The following ANKS1B variants were observed in gnomAD, a reference collection of about 807,000 sequenced individuals.
The protein encoded by ANKS1B is ankyrin repeat and sterile alpha motif domain containing 1B, also known as ankyrin repeat and sterile alpha motif domain-containing protein 1B.
In ANKS1B, 36 loss-of-function variants were observed where a neutral mutation model predicts 148.3. The ratio of observed to expected loss-of-function variants is 0.24; its 90% CI spans 0.19 to 0.32. The LOEUF is 0.32. Among genes scored for constraint, ANKS1B ranks in the 10% least tolerant of loss-of-function variants. ANKS1B has a pLI of 1.00. For missense variants in ANKS1B, 1,157 were observed against 1,542.6 expected (o/e 0.75, Z 4.19); for synonymous variants, 542 against 560.8 (o/e 0.97, Z 0.47).
At chr12:99,034,664 T>C (rs970185636) in intron 17 of ANKS1B, among the ~76,000 whole-genome samples, 26 of 152,162 alleles carry the variant, frequency 1.7e-4, no homozygotes, top group Non-Finnish European at 3.4e-4. Context: ...TGAAGTCTTG[T>C]TGATGAAAGA....
intron 12 of ANKS1B, among the ~76,000 whole-genome samples, chr12:99,369,908 G>A (rs766138223): frequency 6.6e-6 from 1 of 151,758 alleles, no homozygotes; most frequent in Non-Finnish European, 1.5e-5. Flanking sequence ...TATGGCAAAT[G>A]TTAACTCTTG....
intron 15 of ANKS1B, among the ~76,000 whole-genome samples, chr12:99,116,264 C>G (rs2061398511): frequency 6.6e-6 from 1 of 152,116 alleles, no homozygotes; most frequent in Admixed American, 6.5e-5. Context: ...TTGGTGCTAC[C>G]TTGTTTGGGT....
intron 1 of ANKS1B, among the ~76,000 whole-genome samples, chr12:99,849,106 G>A (rs951936822): frequency 6.6e-6 from 1 of 152,004 alleles, no homozygotes; most frequent in African/African-American, 2.4e-5. Context: ...CTCACTACCT[G>A]GATGATGGAT....
At chr12:99,750,817 G>C (rs942269067) in intron 8 of ANKS1B, among the ~76,000 whole-genome samples, 5 of 152,016 alleles carry the variant, frequency 3.3e-5, no homozygotes, top group Non-Finnish European at 7.4e-5. Context: ...CTCCCCCTTT[G>C]AGGAGAGCCA....
chr12:99,384,186 AAAT>A (rs1399615853), intron 12 of ANKS1B, among the ~76,000 whole-genome samples: 1 of 152,212 alleles, frequency 6.6e-6, no homozygotes, highest in Non-Finnish European at 1.5e-5. Context: ...TTGACTGAAT[AAAT>A]AATTACATGA....
At chr12:99,192,900 A>C (rs2080921359) in intron 14 of ANKS1B, among the ~76,000 whole-genome samples, 1 of 152,116 alleles carries the variant, frequency 6.6e-6, no homozygotes, top group Non-Finnish European at 1.5e-5. Context: ...GTTTTATACT[A>C]TATTTTATAT....
intron 12 of ANKS1B, among the ~76,000 whole-genome samples, chr12:99,276,349 A>T (rs2077666691): frequency 6.6e-6 from 1 of 152,098 alleles, no homozygotes; most frequent in South Asian, 2.1e-4. Context: ...CTTTAAAGTG[A>T]TGTATTTGGA....
chr12:99,688,822 C>T (rs1240907585), intron 8 of ANKS1B, among the ~76,000 whole-genome samples: 2 of 150,598 alleles, frequency 1.3e-5, no homozygotes, highest in Non-Finnish European at 2.9e-5. Context: ...GCCTGGGTGA[C>T]AGACTGAGAT....
At chr12:99,582,701 T>G (rs1412602295) in intron 9 of ANKS1B, among the ~76,000 whole-genome samples, 1 of 152,140 alleles carries the variant, frequency 6.6e-6, no homozygotes, top group South Asian at 2.1e-4. Flanking sequence ...GGGGATTGAT[T>G]GCAAAGGTAA....
chr12:99,230,596 G>A (rs1008216768), intron 14 of ANKS1B, among the ~76,000 whole-genome samples: 1 of 152,078 alleles, frequency 6.6e-6, no homozygotes, highest in Non-Finnish European at 1.5e-5. Flanking sequence ...GAATACTAGA[G>A]AATCTCAGCG....
intron 17 of ANKS1B, among the ~76,000 whole-genome samples, chr12:98,839,945 C>T (rs1312670843): frequency 6.6e-6 from 1 of 152,036 alleles, no homozygotes; most frequent in East Asian, 1.9e-4. Flanking sequence ...ATGTGTCTTA[C>T]CTGATCAACT....
At chr12:99,176,092 G>A (rs1345274818) in intron 14 of ANKS1B, among the ~76,000 whole-genome samples, 4 of 151,970 alleles carry the variant, frequency 2.6e-5, no homozygotes, top group South Asian at 2.1e-4. Flanking sequence ...CAGGTGATCC[G>A]CCTGCCTCAG....
chr12:99,975,594 G>A (rs2095616634), intron 1 of ANKS1B, among the ~76,000 whole-genome samples: 2 of 152,196 alleles, frequency 1.3e-5, no homozygotes, highest in Admixed American at 1.3e-4. Context: ...CATTTTTTAT[G>A]TTTGTTGGCC....
At chr12:99,386,919 G>A (rs2093881975) in intron 12 of ANKS1B, among the ~76,000 whole-genome samples, 1 of 152,188 alleles carries the variant, frequency 6.6e-6, no homozygotes, top group Admixed American at 6.5e-5. Flanking sequence ...TAGGCACATA[G>A]GTGGCAGAAT....
chr12:99,773,133 A>G, intron 7 of ANKS1B, 45 bp from the exon 8 acceptor site: 1 of 1,515,368 alleles, frequency 6.6e-7, no homozygotes, highest in Non-Finnish European at 9.0e-7. Flanking sequence ...GGCTATTGTT[A>G]AAACTTAATG....
chr12:99,034,170 G>A (rs1172771260), intron 17 of ANKS1B, among the ~76,000 whole-genome samples: 1 of 152,208 alleles, frequency 6.6e-6, no homozygotes, highest in African/African-American at 2.4e-5. Flanking sequence ...GAGCTCTGTA[G>A]TCGTACAAAG....
intron 11 of ANKS1B, among the ~76,000 whole-genome samples, chr12:99,417,680 G>T (rs1379256391): frequency 6.6e-6 from 1 of 151,882 alleles, no homozygotes; most frequent in African/African-American, 2.4e-5. Flanking sequence ...TCCATAAACA[G>T]GTATGTCTTT....
chr12:99,445,017 G>T (rs997982720), intron 10 of ANKS1B, among the ~76,000 whole-genome samples: 9 of 151,960 alleles, frequency 5.9e-5, no homozygotes, highest in Non-Finnish European at 1.3e-4. Flanking sequence ...AAAAATTCAA[G>T]TATGACACAT....
intron 1 of ANKS1B, among the ~76,000 whole-genome samples, chr12:99,930,214 A>G (rs993190249): frequency 6.6e-5 from 10 of 151,828 alleles, no homozygotes; most frequent in Non-Finnish European, 1.3e-4. Flanking sequence ...AGTCCTTCAC[A>G]TCCCTTGTAA....
Sources: gnomAD v4.1 joint callset for allele counts (sites outside exome capture counted in the v4.1 genomes callset) on GRCh38, gnomAD v4.1.1 for gene constraint, MANE v1.5 for transcripts, NCBI Gene and HGNC (gene_info 2026-07-23, HGNC 2026-07-21) for gene names.